NRXN3: variants seen among roughly 807,000 people sequenced by gnomAD.
NRXN3 encodes the protein neurexin III.
Under a neutral mutation model 137.6 loss-of-function variants are expected in NRXN3, and 32 were observed. The observed-to-expected ratio is 0.23, with a 90% CI of 0.18 to 0.31. The LOEUF is 0.31. Ranked by LOEUF, NRXN3 falls within the 10% of genes least tolerant of loss-of-function variation. NRXN3 has a pLI of 1.00. For missense variants in NRXN3, 1,574 were observed against 2,062.5 expected, an observed-to-expected ratio of 0.76 and a Z score of 4.59; for synonymous variants, 798 against 784.5, an observed-to-expected ratio of 1.02 and a Z score of -0.29.
At chr14:78,727,160 T>A (rs1049758783) in intron 8 of NRXN3, among the ~76,000 whole-genome samples, 2 of 152,062 alleles carry the variant, frequency 1.3e-5, no homozygotes, top group Non-Finnish European at 2.9e-5. Flanking sequence ...TCACCTATTG[T>A]GGTTTTAAGT....
At chr14:78,756,506 G>A (rs1462875465) in intron 8 of NRXN3, among the ~76,000 whole-genome samples, 2 of 141,084 alleles carry the variant, frequency 1.4e-5, no homozygotes, top group Non-Finnish European at 3.0e-5. Flanking sequence ...GGCTCTGATC[G>A]CCCAAGCTCA....
intron 19 of NRXN3, among the ~76,000 whole-genome samples, chr14:79,752,998 T>G (rs1248376873): frequency 6.6e-6 from 1 of 151,416 alleles, no homozygotes; most frequent in Non-Finnish European, 1.5e-5. Flanking sequence ...ATCAGAGAAA[T>G]GCAAATCAAA....
At chr14:78,492,902 C>A (rs2095695590) in intron 4 of NRXN3, among the ~76,000 whole-genome samples, 2 of 152,192 alleles carry the variant, frequency 1.3e-5, no homozygotes, top group African/African-American at 4.8e-5. Flanking sequence ...GTAAGCATAG[C>A]TTTGCCAAGT....
At chr14:78,526,311 C>T (rs1267468751) in intron 4 of NRXN3, among the ~76,000 whole-genome samples, 1 of 152,194 alleles carries the variant, frequency 6.6e-6, no homozygotes, top group East Asian at 1.9e-4. Context: ...AAATCTCTCT[C>T]TCTTGACTTT....
intron 20 of NRXN3, among the ~76,000 whole-genome samples, chr14:79,859,005 T>C (rs1269683348): frequency 6.9e-6 from 1 of 145,052 alleles, no homozygotes; most frequent in Non-Finnish European, 1.5e-5. Context: ...AAAAAACAGG[T>C]GTCTGCTGGT....
chr14:79,333,161 C>T (rs2091925072), intron 15 of NRXN3, among the ~76,000 whole-genome samples: 1 of 151,524 alleles, frequency 6.6e-6, no homozygotes, highest in African/African-American at 2.4e-5. Context: ...AGCCTGGTTG[C>T]TAAATTATCC....
intron 15 of NRXN3, among the ~76,000 whole-genome samples, chr14:79,456,879 G>T (rs375978352): frequency 4.4e-4 from 67 of 152,092 alleles, no homozygotes; most frequent in Admixed American, 1.4e-3. Flanking sequence ...TTTTCTCTCT[G>T]TGGCCAGATC....
intron 4 of NRXN3, among the ~76,000 whole-genome samples, chr14:78,439,194 AC>A (rs1252708541): frequency 2.0e-5 from 3 of 151,816 alleles, no homozygotes; most frequent in Non-Finnish European, 4.4e-5. Flanking sequence ...TTGGATCAAA[AC>A]CCCAGAGGAG....
At chr14:79,554,675 C>T (rs150143859) in intron 16 of NRXN3, among the ~76,000 whole-genome samples, 1 of 152,278 alleles carries the variant, frequency 6.6e-6, no homozygotes, top group African/African-American at 2.4e-5. Flanking sequence ...CTGTGGCAGT[C>T]ACACAGGGTC....
chr14:79,158,558 C>T (rs2060469665), intron 15 of NRXN3, among the ~76,000 whole-genome samples: 1 of 151,828 alleles, frequency 6.6e-6, no homozygotes, highest in Admixed American at 6.6e-5. Context: ...TTACTACCAT[C>T]ACTGGTTTTC....
intron 15 of NRXN3, among the ~76,000 whole-genome samples, chr14:79,336,841 A>C (rs1320344952): frequency 2.0e-5 from 3 of 152,166 alleles, no homozygotes; most frequent in Non-Finnish European, 4.4e-5. Flanking sequence ...GATTATGAAC[A>C]ACCCCAAGGT....
intron 8 of NRXN3, among the ~76,000 whole-genome samples, chr14:78,751,382 G>A (rs60333318): frequency 0.3 from 45,989 of 152,074 alleles, 7,805 homozygotes; most frequent in East Asian, 0.5. Context: ...GTGGTGATGT[G>A]CACTTGGGGA....
intron 16 of NRXN3, among the ~76,000 whole-genome samples, chr14:79,567,543 G>A (rs2097561834): frequency 2.0e-5 from 3 of 151,754 alleles, no homozygotes; most frequent in Admixed American, 1.3e-4. Flanking sequence ...AATTCCCACG[G>A]CCCTTGCTTC....
At chr14:78,751,470 C>T (rs1200158675) in intron 8 of NRXN3, among the ~76,000 whole-genome samples, 5 of 152,122 alleles carry the variant, frequency 3.3e-5, no homozygotes, top group African/African-American at 1.2e-4. Flanking sequence ...CTCCCCTCCT[C>T]CTTGCTCCCT....
At chr14:79,044,420 C>T (rs1018538153) in intron 15 of NRXN3, among the ~76,000 whole-genome samples, 2 of 152,126 alleles carry the variant, frequency 1.3e-5, no homozygotes, top group African/African-American at 4.8e-5. Flanking sequence ...TAGACCTTTA[C>T]AGTCTTAAGT....
At chr14:78,658,722 T>C (rs755663691) in intron 6 of NRXN3, among the ~76,000 whole-genome samples, 2 of 152,230 alleles carry the variant, frequency 1.3e-5, no homozygotes, top group Non-Finnish European at 2.9e-5. Context: ...AGAACACACA[T>C]TATTGCTTTG....
rs969575495 is a variant in NRXN3, at chr14:79,663,950, G to GTA, written c.3616+2_3616+3dup. The stretch of plus-strand genomic sequence containing the variant: ...CCAGTGAATGAACATTATCCTACAG[G>GTA]TACATGTTGTTCGCTCAATGGTCCT... On this transcript the variant is annotated splice_donor_variant, in intron 17 of 20. Coordinates refer to ENST00000335750, the MANE Select transcript of NRXN3 (RefSeq NM_001330195.2). LOFTEE classifies it high-confidence loss of function. 2 of 1,613,182 alleles carry GTA rather than the reference G, an allele frequency of 1.2e-6. No homozygotes were observed. The highest frequency in any genetic ancestry group is 1.3e-5 in the African/African-American group (1 of 74,980).
At chr14:78,832,238 G>A (rs1002365695) in intron 10 of NRXN3, among the ~76,000 whole-genome samples, 2 of 152,094 alleles carry the variant, frequency 1.3e-5, no homozygotes, top group African/African-American at 2.4e-5. Flanking sequence ...GGTAATGATG[G>A]CTACTTCAAG....
intron 20 of NRXN3, among the ~76,000 whole-genome samples, chr14:79,844,295 A>T (rs2099362406): frequency 6.6e-6 from 1 of 150,692 alleles, no homozygotes; most frequent in African/African-American, 2.5e-5. Flanking sequence ...CCTCCTGCTA[A>T]TGTTGATATT....
Sources: gnomAD v4.1 joint callset for allele counts (sites outside exome capture counted in the v4.1 genomes callset) on GRCh38, gnomAD v4.1.1 for gene constraint, MANE v1.5 for transcripts, NCBI Gene and HGNC (gene_info 2026-07-23, HGNC 2026-07-21) for gene names.